Variants in OR2L13 observed in about 807,000 individuals in gnomAD.
OR2L13 encodes the protein olfactory receptor family 2 subfamily L member 13.
In OR2L13, 14 loss-of-function variants were observed where a neutral mutation model predicts 15.3. That is an observed-to-expected ratio of 0.91 (90% CI 0.60 to 1.43). OR2L13 has a LOEUF of 1.43. OR2L13 is among the 40% of genes most tolerant of loss of function. OR2L13 has a pLI of 0.00. For synonymous variants in OR2L13, 152 were observed against 142.9 expected (o/e 1.06, Z -0.45); for missense variants, 367 against 387.9 (o/e 0.95, Z 0.45).
chr1:247,965,052 ATATT>A, the OR2L13 span, among the ~76,000 whole-genome samples: 6 of 150,718 alleles, frequency 4.0e-5, no homozygotes, highest in Non-Finnish European at 8.9e-5. Context: ...ATATGTAAGT[ATATT>A]TAAGTATTAT....
the OR2L13 span, chr1:247,975,083 A>G: frequency 3.0e-6 from 1 of 333,830 alleles, no homozygotes; most frequent in Non-Finnish European, 6.0e-6. Flanking sequence ...GCTGCCACTG[A>G]CATCAATGGC....
At chr1:247,969,033 C>T in the OR2L13 span, among the ~76,000 whole-genome samples, 1 of 152,160 alleles carries the variant, frequency 6.6e-6, no homozygotes, top group Admixed American at 6.5e-5. Flanking sequence ...TAATGATCAC[C>T]ATTCTAACTG....
At chr1:248,058,154 G>C in the OR2L13 span, among the ~76,000 whole-genome samples, 2 of 152,252 alleles carry the variant, frequency 1.3e-5, no homozygotes, top group East Asian at 3.9e-4. Flanking sequence ...TGAAAGAAAT[G>C]CATAGACATG....
the OR2L13 span, among the ~76,000 whole-genome samples, chr1:248,082,806 C>T: frequency 6.6e-6 from 1 of 152,146 alleles, no homozygotes; most frequent in Admixed American, 6.5e-5. Flanking sequence ...TTGAGTGTTA[C>T]TCAGCTTTGA....
At chr1:247,951,546 A>T in the OR2L13 span, among the ~76,000 whole-genome samples, 1 of 152,204 alleles carries the variant, frequency 6.6e-6, no homozygotes, top group East Asian at 1.9e-4. Flanking sequence ...GCTCTTTAAC[A>T]TCATTTCTAT....
the OR2L13 span, among the ~76,000 whole-genome samples, chr1:247,950,772 G>A: frequency 0.8 from 120,665 of 151,760 alleles, 52,326 homozygotes; most frequent in South Asian, 0.95. Context: ...GGGGAGGGGG[G>A]ATAAAGTGGG....
the OR2L13 span, among the ~76,000 whole-genome samples, chr1:248,086,818 G>A: frequency 6.6e-6 from 1 of 151,192 alleles, no homozygotes; most frequent in African/African-American, 2.4e-5. Flanking sequence ...GTATTTTTAT[G>A]TATAAAATAT....
chr1:248,048,381 A>C, the OR2L13 span, among the ~76,000 whole-genome samples: 2 of 152,214 alleles, frequency 1.3e-5, no homozygotes, highest in Non-Finnish European at 1.5e-5. Context: ...CAAATACAAC[A>C]TTATGTACTG....
the OR2L13 span, among the ~76,000 whole-genome samples, chr1:247,959,290 T>A: frequency 6.6e-6 from 1 of 152,176 alleles, no homozygotes; most frequent in South Asian, 2.1e-4. Context: ...TTCTGGCTTG[T>A]AGAGTTTCTG....
the OR2L13 span, among the ~76,000 whole-genome samples, chr1:248,073,545 G>T: frequency 4.6e-5 from 7 of 151,716 alleles, no homozygotes; most frequent in Non-Finnish European, 1.0e-4. Context: ...GTTAATGGGT[G>T]CAGCACACCA....
the OR2L13 span, chr1:248,003,618 T>C: frequency 6.2e-7 from 1 of 1,611,448 alleles, no homozygotes; most frequent in Non-Finnish European, 8.5e-7. Context: ...GTATATATAC[T>C]CCATATTCCT....
At chr1:248,002,790 A>G in the OR2L13 span, among the ~76,000 whole-genome samples, 25,686 of 151,066 alleles carry the variant, frequency 0.17, 3,194 homozygotes, top group African/African-American at 0.36. Context: ...CCCGGGAGGC[A>G]GAGCTTGCAG....
At chr1:248,030,412 A>G in the OR2L13 span, among the ~76,000 whole-genome samples, 1 of 152,190 alleles carries the variant, frequency 6.6e-6, no homozygotes, top group Non-Finnish European at 1.5e-5. Context: ...GCAGGCAACC[A>G]AAAGTGATTT....
chr1:248,005,876 C>T, the OR2L13 span, among the ~76,000 whole-genome samples: 192 of 152,108 alleles, frequency 1.3e-3, no homozygotes, highest in Non-Finnish European at 2.3e-3. Flanking sequence ...ACATTTTGAA[C>T]TTGTTTTATG....
chr1:248,095,806 C>G (rs979812121), upstream of OR2L13, among the ~76,000 whole-genome samples: 5 of 150,168 alleles, frequency 3.3e-5, no homozygotes, highest in Non-Finnish European at 5.9e-5. Flanking sequence ...GGGGTGTCAC[C>G]ATATTGGTCA....
the OR2L13 span, among the ~76,000 whole-genome samples, chr1:247,972,787 T>G: frequency 3.9e-5 from 6 of 152,314 alleles, no homozygotes; most frequent in Non-Finnish European, 7.3e-5. Flanking sequence ...GAGGCAAGCA[T>G]CATCCTGATT....
At chr1:248,073,400 C>T in the OR2L13 span, among the ~76,000 whole-genome samples, 2 of 151,896 alleles carry the variant, frequency 1.3e-5, no homozygotes, top group Admixed American at 6.6e-5. Flanking sequence ...ACCACATGTT[C>T]TCACTCAAAG....
chr1:247,976,172 G>A, the OR2L13 span, among the ~76,000 whole-genome samples: 4 of 152,082 alleles, frequency 2.6e-5, no homozygotes, highest in Non-Finnish European at 5.9e-5. Flanking sequence ...AAAAACAAGA[G>A]TTTCTTTACA....
At chr1:248,022,837 T>G in the OR2L13 span, 3 of 1,613,400 alleles carry the variant, frequency 1.9e-6, no homozygotes, top group Non-Finnish European at 2.5e-6. Flanking sequence ...AAGGAGGTGA[T>G]GGGGGCCCTG....
Sources: allele counts gnomAD v4.1 joint callset (sites outside exome capture counted in the v4.1 genomes callset), GRCh38; gene constraint gnomAD v4.1.1; transcripts MANE v1.5; gene names NCBI Gene and HGNC (gene_info 2026-07-23, HGNC 2026-07-21).